The following ANO4 variants were observed in gnomAD, a reference collection of about 807,000 sequenced individuals.
ANO4 encodes the protein anoctamin-4.
ANO4 carries 69 observed loss-of-function variants against 141.9 expected under a neutral mutation model. The observed-to-expected ratio is 0.49, with a 90% CI of 0.40 to 0.59. The LOEUF is 0.59. Ranked by LOEUF, ANO4 falls within the 20% of genes least tolerant of loss-of-function variation. ANO4 has a pLI of 0.00. For synonymous variants in ANO4, 350 were observed against 394.3 expected, an observed-to-expected ratio of 0.89 and a Z score of 1.33; for missense variants, 894 against 1,162.2, an observed-to-expected ratio of 0.77 and a Z score of 3.36.
chr12:100,912,403 A>G (rs1272694292), intron 2 of ANO4, among the ~76,000 whole-genome samples: 21 of 110,894 alleles, frequency 1.9e-4, no homozygotes, highest in East Asian at 3.0e-4. Flanking sequence ...AAAAAAAAAA[A>G]AAAAAAGAAA....
intron 14 of ANO4, among the ~76,000 whole-genome samples, chr12:101,049,515 A>C (rs1253899549): frequency 6.6e-6 from 1 of 151,434 alleles, no homozygotes; most frequent in Non-Finnish European, 1.5e-5. Context: ...AGATGGAATC[A>C]GTAAGTTTCT....
chr12:100,907,311 C>T (rs2040891265), intron 2 of ANO4, among the ~76,000 whole-genome samples: 1 of 152,166 alleles, frequency 6.6e-6, no homozygotes, highest in African/African-American at 2.4e-5. Context: ...GCTCAAGCTC[C>T]TCTCTCATCT....
chr12:100,757,697 C>A (rs10778070), intron 3 of ANO4, among the ~76,000 whole-genome samples: 44,051 of 152,154 alleles, frequency 0.29, 6,754 homozygotes, highest in Non-Finnish European at 0.34. Context: ...TGAACACAGA[C>A]TGCCAACCTG....
chr12:101,044,330 C>T (rs2047537932), intron 13 of ANO4, among the ~76,000 whole-genome samples: 1 of 152,186 alleles, frequency 6.6e-6, no homozygotes, highest in East Asian at 1.9e-4. Flanking sequence ...AAAAAAAATA[C>T]ATGACACCAC....
In ANO4 at chr12:101,111,366, A is replaced by T. The variant is rs2050658487; in HGVS notation, c.2303-197A>T. Reference sequence around the variant, plus strand: ...GTCTGATCCTGACTATTAAGTCACAAGCATATAGACACTCCCATAGAAACT... The same window carrying T: ...GTCTGATCCTGACTATTAAGTCACATGCATATAGACACTCCCATAGAAACT... On this transcript the variant is annotated intron_variant, in intron 23 of 27. Transcript: ENST00000392977. 2.6e-5 allele frequency among the ~76,000 whole-genome samples: 4 copies of T among 152,288 alleles called. No homozygotes were observed. The South Asian group carries it at 8.3e-4, about 32-fold the overall frequency.
chr12:101,007,469 A>G (rs971557538), intron 8 of ANO4, among the ~76,000 whole-genome samples: 2 of 152,210 alleles, frequency 1.3e-5, no homozygotes, highest in African/African-American at 2.4e-5. Flanking sequence ...TTAATCCTCA[A>G]ACATCCTCTG....
At chr12:100,845,750 A>G (rs2037526148) in intron 1 of ANO4, among the ~76,000 whole-genome samples, 1 of 152,236 alleles carries the variant, frequency 6.6e-6, no homozygotes, top group South Asian at 2.1e-4. Flanking sequence ...AAATGAAAAA[A>G]AGTAACATTT....
chr12:101,041,617 C>T (rs886537513), intron 11 of ANO4, among the ~76,000 whole-genome samples: 1 of 152,126 alleles, frequency 6.6e-6, no homozygotes, highest in African/African-American at 2.4e-5. Context: ...GCCAAACAGA[C>T]GCCAAATGGT....
At chr12:100,922,177 A>C (rs1192218520) in intron 2 of ANO4, 49 bp from the exon 3 acceptor site, 1 of 1,356,928 alleles carries the variant, frequency 7.4e-7, no homozygotes, top group East Asian at 2.6e-5. Context: ...CTAATGACAG[A>C]CTCTCTGATA....
At chr12:101,080,991 GAAA>G (rs61396323) in intron 15 of ANO4, among the ~76,000 whole-genome samples, 1 of 138,978 alleles carries the variant, frequency 7.2e-6, no homozygotes, top group African/African-American at 2.7e-5. Context: ...CTAGAACCTA[GAAA>G]AAAAATATAC....
intron 1 of ANO4, among the ~76,000 whole-genome samples, chr12:100,825,707 A>G (rs79063984): frequency 0.012 from 1,792 of 152,154 alleles, 26 homozygotes; most frequent in African/African-American, 0.04. Context: ...ACACTTAATT[A>G]TGGACATTAA....
At chr12:100,922,591 GTAA>G (rs2041679691) in intron 3 of ANO4, among the ~76,000 whole-genome samples, 1 of 152,122 alleles carries the variant, frequency 6.6e-6, no homozygotes, top group Non-Finnish European at 1.5e-5. Flanking sequence ...TGTATTTCAT[GTAA>G]TAATATTTAG....
intron 1 of ANO4, among the ~76,000 whole-genome samples, chr12:100,731,339 A>G (rs2031372124): frequency 1.3e-5 from 2 of 152,172 alleles, no homozygotes; most frequent in African/African-American, 4.8e-5. Flanking sequence ...TTTTAAAATC[A>G]CTTATACCCT....
At chr12:100,892,914 C>G (rs1444979133) in intron 1 of ANO4, among the ~76,000 whole-genome samples, 1 of 152,156 alleles carries the variant, frequency 6.6e-6, no homozygotes, top group Non-Finnish European at 1.5e-5. Context: ...CCGGCACCCT[C>G]CGTTTCTTTC....
chr12:100,884,799 A>G (rs2039748864), intron 1 of ANO4, among the ~76,000 whole-genome samples: 1 of 152,072 alleles, frequency 6.6e-6, no homozygotes, highest in South Asian at 2.1e-4. Context: ...CATTCAAGCG[A>G]TTCTCCCGCC....
chr12:100,893,116 G>C (rs977580341), intron 1 of ANO4, among the ~76,000 whole-genome samples: 7 of 151,504 alleles, frequency 4.6e-5, no homozygotes, highest in African/African-American at 1.7e-4. Context: ...GGGTTCTGGG[G>C]ATGCTTGGTA....
At chr12:100,876,319 A>C (rs1009643459) in intron 1 of ANO4, among the ~76,000 whole-genome samples, 1 of 151,134 alleles carries the variant, frequency 6.6e-6, no homozygotes, top group Non-Finnish European at 1.5e-5. Context: ...TCAAGATGGA[A>C]TTGCTAGTGA....
At chr12:100,965,971 C>A (rs1461757111) in intron 5 of ANO4, among the ~76,000 whole-genome samples, 1 of 151,958 alleles carries the variant, frequency 6.6e-6, no homozygotes, top group Non-Finnish European at 1.5e-5. Flanking sequence ...ACAGAGTAGC[C>A]ACTTAATGAA....
At position 100,887,516 on chromosome 12, in the gene ANO4, TTTC is replaced by T. The variant is rs567598141; in HGVS notation, c.-140-14127_-140-14125del. Among the ~76,000 whole-genome samples, 33 of 137,462 alleles carry T rather than the reference TTTC, an allele frequency of 2.4e-4. No individual in the cohort carries two copies. The South Asian group carries it at 5.6e-3, about 23-fold the overall frequency. The allele number at this position is 137,462 out of a possible 152,430, so 90.2% of individuals were successfully genotyped here. A position where few individuals can be genotyped will look rare whatever the true frequency, so the allele number is the denominator to read the frequency against. On this transcript the variant is annotated intron_variant, in intron 1 of 27. Transcript: ENST00000392977. ...GAGAAACCAAATGACCCTGGGTTTC[TTTC>T]TTTTTTTTTTTTCTTTCTAAAACCC...
Sources: gnomAD v4.1 joint callset for allele counts (sites outside exome capture counted in the v4.1 genomes callset) on GRCh38, gnomAD v4.1.1 for gene constraint, MANE v1.5 for transcripts, NCBI Gene and HGNC (gene_info 2026-07-23, HGNC 2026-07-21) for gene names.